ADCY8: variants seen among roughly 807,000 people sequenced by gnomAD.
ADCY8 encodes adenylate cyclase type 8.
ADCY8 carries 51 observed loss-of-function variants against 119.7 expected under a neutral mutation model. The observed-to-expected ratio is 0.43, with a 90% confidence interval of 0.34 to 0.54. ADCY8 has a LOEUF of 0.54. Ranked by LOEUF, ADCY8 falls within the 20% of genes least tolerant of loss-of-function variation. The pLI is 0.03. For missense variants in ADCY8, 1,383 were observed against 1,598.8 expected (o/e 0.87, Z 2.30); for synonymous variants, 665 against 651.0 (o/e 1.02, Z -0.33).
At chr8:131,019,997 A>G (rs1823613097) in intron 1 of ADCY8, among the ~76,000 whole-genome samples, 1 of 152,096 alleles carries the variant, frequency 6.6e-6, no homozygotes, top group Non-Finnish European at 1.5e-5. Flanking sequence ...ATGAGGGAAG[A>G]ACATCTTGGG....
intron 1 of ADCY8, among the ~76,000 whole-genome samples, chr8:131,004,019 T>C (rs372965942): frequency 5.3e-4 from 80 of 152,172 alleles, no homozygotes; most frequent in African/African-American, 1.8e-3. Flanking sequence ...GTTGAGCCTT[T>C]CCTCCCCCAC....
intron 1 of ADCY8, among the ~76,000 whole-genome samples, chr8:131,023,466 GC>G (rs1823736302): frequency 6.6e-6 from 1 of 152,166 alleles, no homozygotes; most frequent in African/African-American, 2.4e-5. Context: ...GCAGAAGATG[GC>G]AGTGCTGCAG....
intron 12 of ADCY8, among the ~76,000 whole-genome samples, chr8:130,824,233 CT>C (rs1325217973): frequency 1.3e-5 from 2 of 152,170 alleles, no homozygotes; most frequent in Non-Finnish European, 2.9e-5. Flanking sequence ...ATCTTTTATT[CT>C]GTTGTCATAA....
chr8:130,852,073 G>C (rs1817547681), intron 9 of ADCY8, among the ~76,000 whole-genome samples: 2 of 152,170 alleles, frequency 1.3e-5, no homozygotes, highest in Non-Finnish European at 2.9e-5. Flanking sequence ...GACAGCAAAG[G>C]GAGTTTATGA....
chr8:130,971,015 G>T (rs1017229516), intron 2 of ADCY8, among the ~76,000 whole-genome samples: 2 of 152,166 alleles, frequency 1.3e-5, no homozygotes, highest in African/African-American at 4.8e-5. Flanking sequence ...ACGTAGAAAG[G>T]ATTCAATAAC....
At chr8:130,885,799 C>G (rs1300971641) in intron 7 of ADCY8, among the ~76,000 whole-genome samples, 1 of 152,094 alleles carries the variant, frequency 6.6e-6, no homozygotes, top group Non-Finnish European at 1.5e-5. Flanking sequence ...TGAAAATTCT[C>G]TGCCTTTATA....
Position 130,831,329 on chromosome 8 carries a change from G to C in ADCY8, c.2675+4948C>G, listed in dbSNP as rs577098583. On this transcript the variant is annotated intron_variant, in intron 12 of 17. Transcript: ENST00000286355. ...TGCTTACTATATGAACATGAGTAATGGTCCTTGTCTTCAAAATTTCCTATT... is the reference window on the plus strand; with the variant it reads ...TGCTTACTATATGAACATGAGTAATCGTCCTTGTCTTCAAAATTTCCTATT... Among the ~76,000 whole-genome samples the C allele has an allele frequency of 2.6e-5, 4 of 152,276 alleles. No homozygotes were observed. The East Asian group carries it at 7.7e-4, about 29-fold the overall frequency.
intron 7 of ADCY8, among the ~76,000 whole-genome samples, chr8:130,887,379 A>T (rs1819029355): frequency 6.6e-6 from 1 of 152,140 alleles, no homozygotes. Flanking sequence ...ACCACCACCA[A>T]GTTATAGGTA....
chr8:131,003,206 TCA>T (rs1554624274), intron 1 of ADCY8, among the ~76,000 whole-genome samples: 2,981 of 137,436 alleles, frequency 0.022, 52 homozygotes, highest in Middle Eastern at 0.06. Context: ...TGAAACACCA[TCA>T]CACACACACA....
chr8:130,781,437 C>T (rs1040696371), intron 17 of ADCY8, among the ~76,000 whole-genome samples: 13 of 152,172 alleles, frequency 8.5e-5, no homozygotes, highest in Admixed American at 7.9e-4. Flanking sequence ...CGGGAGGGCT[C>T]GTTCTGATCA....
chr8:130,867,544 G>A (rs1472145781), intron 9 of ADCY8, among the ~76,000 whole-genome samples: 1 of 148,664 alleles, frequency 6.7e-6, no homozygotes, highest in Non-Finnish European at 1.5e-5. Context: ...AGTAAATGGT[G>A]TTGAGGTTCT....
intron 10 of ADCY8, 136 bp downstream of exon 10, chr8:130,849,466 C>T (rs1017175151): frequency 3.4e-6 from 3 of 881,122 alleles, no homozygotes; most frequent in Non-Finnish European, 5.3e-6. Flanking sequence ...TTATCTGTCC[C>T]TAAGCTTGGG....
At chr8:130,812,984 G>A (rs1816217486) in intron 14 of ADCY8, among the ~76,000 whole-genome samples, 1 of 140,428 alleles carries the variant, frequency 7.1e-6, no homozygotes, top group Non-Finnish European at 1.5e-5. Context: ...TTCTCAGTCT[G>A]TCGCCCAGGC....
At chr8:130,982,893 C>T (rs1403990988) in intron 2 of ADCY8, among the ~76,000 whole-genome samples, 2 of 152,146 alleles carry the variant, frequency 1.3e-5, no homozygotes, top group Non-Finnish European at 2.9e-5. Flanking sequence ...CACAGCATGT[C>T]TCATTTTAAA....
At chr8:131,014,792 A>T (rs1823418539) in intron 1 of ADCY8, among the ~76,000 whole-genome samples, 1 of 152,226 alleles carries the variant, frequency 6.6e-6, no homozygotes, top group South Asian at 2.1e-4. Context: ...TGACTGAGTG[A>T]CATAATTACA....
intron 2 of ADCY8, among the ~76,000 whole-genome samples, chr8:130,972,945 T>C (rs1821968224): frequency 6.6e-6 from 1 of 152,124 alleles, no homozygotes; most frequent in South Asian, 2.1e-4. Flanking sequence ...GTGGCTCATG[T>C]GAAAATGACA....
chr8:130,853,271 G>A (rs1817598678), intron 9 of ADCY8, among the ~76,000 whole-genome samples: 1 of 152,256 alleles, frequency 6.6e-6, no homozygotes, highest in South Asian at 2.1e-4. Context: ...TTTGGCCAGG[G>A]CATCTCTGCC....
intron 14 of ADCY8, among the ~76,000 whole-genome samples, chr8:130,801,374 T>G (rs553023617): frequency 6.6e-6 from 1 of 152,324 alleles, no homozygotes; most frequent in African/African-American, 2.4e-5. Context: ...GTTATTCATT[T>G]TCTTCTCTTT....
intron 11 of ADCY8, among the ~76,000 whole-genome samples, chr8:130,846,490 T>C (rs1209808872): frequency 3.3e-5 from 5 of 151,652 alleles, no homozygotes; most frequent in Non-Finnish European, 1.5e-5. Flanking sequence ...GTAATTCCCT[T>C]CCTCCCTCTC....
Sources: gnomAD v4.1 joint callset for allele counts (sites outside exome capture counted in the v4.1 genomes callset) on GRCh38, gnomAD v4.1.1 for gene constraint, MANE v1.5 for transcripts, NCBI Gene and HGNC (gene_info 2026-07-23, HGNC 2026-07-21) for gene names.